CTCF: variants seen among roughly 807,000 people sequenced by gnomAD.
CTCF encodes transcriptional repressor CTCF.
Under a neutral mutation model 72.3 loss-of-function variants are expected in CTCF, and 7 were observed. The ratio of observed to expected loss-of-function variants is 0.10; its 90% CI spans 0.06 to 0.18. CTCF has a LOEUF of 0.18. Among genes scored for constraint, CTCF ranks in the 10% least tolerant of loss-of-function variants. The pLI is 1.00. For synonymous variants in CTCF, 374 were observed against 315.8 expected (o/e 1.18, Z -1.95); for missense variants, 516 against 949.1 (o/e 0.54, Z 6.00).
At chr16:67,605,818 G>C (rs1353778540) in intron 2 of CTCF, among the ~76,000 whole-genome samples, 1 of 152,196 alleles carries the variant, frequency 6.6e-6, no homozygotes, top group Non-Finnish European at 1.5e-5. Context: ...AAAGTACAGA[G>C]TGAAGACAGG....
At chr16:67,616,085 A>G (rs2052128229) in intron 4 of CTCF, 1 of 152,302 alleles carries the variant, frequency 6.6e-6, no homozygotes, top group Non-Finnish European at 1.5e-5. Flanking sequence ...TATATTATTC[A>G]TGTTTTATAT....
At chr16:67,601,478 A>G (rs2051891303) in intron 2 of CTCF, among the ~76,000 whole-genome samples, 1 of 151,790 alleles carries the variant, frequency 6.6e-6, no homozygotes, top group African/African-American at 2.4e-5. Flanking sequence ...AGCTGGGACT[A>G]CAGGCGCCTG....
At chr16:67,600,577 C>T (rs919439709) in intron 2 of CTCF, among the ~76,000 whole-genome samples, 1 of 151,954 alleles carries the variant, frequency 6.6e-6, no homozygotes, top group African/African-American at 2.4e-5. Flanking sequence ...TGGGGTCTCC[C>T]CATGTTGCCT....
chr16:67,577,286 G>A (rs1319506655), intron 2 of CTCF, among the ~76,000 whole-genome samples: 4 of 150,630 alleles, frequency 2.7e-5, no homozygotes, highest in South Asian at 4.3e-4. Flanking sequence ...GCATGGTGGC[G>A]GGCGCCTGTA....
At chr16:67,634,204 G>A (rs922929249) in intron 10 of CTCF, among the ~76,000 whole-genome samples, 2 of 151,842 alleles carry the variant, frequency 1.3e-5, no homozygotes, top group East Asian at 1.9e-4. Flanking sequence ...ATTTATTTTT[G>A]TTGTTATTTG....
intron 2 of CTCF, among the ~76,000 whole-genome samples, chr16:67,597,832 G>T (rs1436267505): frequency 2.6e-5 from 4 of 152,166 alleles, no homozygotes; most frequent in Admixed American, 1.3e-4. Context: ...TAAATTGTCT[G>T]CCTATAGTAG....
At chr16:67,615,101 TA>T (rs1298793003) in intron 4 of CTCF, 2 of 152,158 alleles carry the variant, frequency 1.3e-5, no homozygotes, top group African/African-American at 4.8e-5. Context: ...AAAATCATGC[TA>T]CTGCACTACA....
intron 2 of CTCF, among the ~76,000 whole-genome samples, chr16:67,581,149 C>T (rs1256749110): frequency 2.0e-5 from 3 of 148,300 alleles, no homozygotes; most frequent in Admixed American, 6.8e-5. Context: ...AGGATGGTCT[C>T]GATCTGCTGA....
At chr16:67,572,217 G>A (rs1488391758) in intron 2 of CTCF, among the ~76,000 whole-genome samples, 1 of 152,138 alleles carries the variant, frequency 6.6e-6, no homozygotes, top group African/African-American at 2.4e-5. Context: ...TTTCCAAATG[G>A]GCAACTTGTT....
intron 6 of CTCF, 200 bp from the exon 7 acceptor site, chr16:67,621,242 G>A: frequency 1.9e-6 from 1 of 515,760 alleles, no homozygotes. Context: ...GAGCTGGGCA[G>A]AGCAGAGGTG....
At position 67,638,636 on chromosome 16, in the gene CTCF, C is replaced by T. The variant is rs1251445723; in HGVS notation, c.*764C>T. 1 of 231,916 alleles carries T rather than the reference C, an allele frequency of 4.3e-6. No homozygotes were observed. The highest frequency in any genetic ancestry group is 5.6e-5 in the Admixed American group (1 of 17,734). The allele number at this position is 231,916 out of a possible 1,614,324, so 14.4% of individuals were successfully genotyped here. A position where few individuals can be genotyped will look rare whatever the true frequency, so the allele number is the denominator to read the frequency against. On this transcript the variant is annotated 3_prime_UTR_variant, in exon 12 of 12. Transcript: ENST00000264010. ...AGTGACGGACATGCACGTGGCAGAT[C>T]ATGATTTCCAGCCCACGGAGCCAGC...
intron 1 of CTCF, among the ~76,000 whole-genome samples, chr16:67,564,852 T>C (rs2051321668): frequency 6.6e-6 from 1 of 152,234 alleles, no homozygotes; most frequent in South Asian, 2.1e-4. Flanking sequence ...ATACGTCATT[T>C]ATGCTGTTTT....
chr16:67,632,400 G>C (rs1358741454), intron 10 of CTCF, among the ~76,000 whole-genome samples: 3 of 152,134 alleles, frequency 2.0e-5, no homozygotes, highest in African/African-American at 7.2e-5. Context: ...TCTGCTGCTG[G>C]TTAGTAGAGC....
intron 8 of CTCF, chr16:67,627,184 C>T (rs2052301033): frequency 6.6e-6 from 1 of 152,106 alleles, no homozygotes. Context: ...AGAGAGACCC[C>T]ATCTCTACAA....
At chr16:67,584,070 G>A (rs1002221271) in intron 2 of CTCF, among the ~76,000 whole-genome samples, 2 of 118,202 alleles carry the variant, frequency 1.7e-5, no homozygotes, top group African/African-American at 4.0e-5. Context: ...GTGTGCAGTC[G>A]TTTAAAAATG....
At chr16:67,607,757 C>T (rs1012515252) in intron 2 of CTCF, among the ~76,000 whole-genome samples, 6 of 151,894 alleles carry the variant, frequency 4.0e-5, no homozygotes, top group Non-Finnish European at 5.9e-5. Flanking sequence ...TGGTGGCTCA[C>T]GCCTGTAGTC....
chr16:67,570,832 A>T (rs1432340662), intron 1 of CTCF: 2 of 151,354 alleles, frequency 1.3e-5, no homozygotes, highest in African/African-American at 2.4e-5. Context: ...TACAGCCTCA[A>T]ACTCCTGGGT....
At chr16:67,604,123 C>T (rs527792663) in intron 2 of CTCF, among the ~76,000 whole-genome samples, 15 of 143,608 alleles carry the variant, frequency 1.0e-4, no homozygotes, top group Admixed American at 5.6e-4. Context: ...GAGGAAACCC[C>T]GTCTCAAAAA....
intron 7 of CTCF, among the ~76,000 whole-genome samples, chr16:67,626,290 A>T (rs28433710): frequency 6.9e-6 from 1 of 145,466 alleles, no homozygotes; most frequent in Non-Finnish European, 1.5e-5. Flanking sequence ...ATACAAAAAT[A>T]AAAAATAAAA....
Sources: gnomAD v4.1 joint callset for allele counts (sites outside exome capture counted in the v4.1 genomes callset) on GRCh38, gnomAD v4.1.1 for gene constraint, MANE v1.5 for transcripts, NCBI Gene and HGNC (gene_info 2026-07-23, HGNC 2026-07-21) for gene names.